CHST9: variants seen among roughly 807,000 people sequenced by gnomAD.
The protein encoded by CHST9 is GalNAc-4-sulfotransferase 2.
Under a neutral mutation model 44.4 loss-of-function variants are expected in CHST9, and 41 were observed. The observed-to-expected ratio is 0.92, with a 90% confidence interval of 0.72 to 1.20. CHST9 has a LOEUF of 1.20. Among genes scored for constraint, CHST9 ranks in the 50% most tolerant of loss-of-function variants. The pLI is 0.00. For missense variants in CHST9, 504 were observed against 516.5 expected (o/e 0.98, Z 0.23); for synonymous variants, 171 against 178.4 (o/e 0.96, Z 0.33).
At chr18:27,029,830 C>T (rs183451700) in intron 3 of CHST9, among the ~76,000 whole-genome samples, 57 of 152,186 alleles carry the variant, frequency 3.7e-4, no homozygotes, top group African/African-American at 1.3e-3. Context: ...ATGCAGAAAC[C>T]GACATACATG....
At chr18:27,133,608 C>T (rs2058490256) in intron 2 of CHST9, among the ~76,000 whole-genome samples, 1 of 152,146 alleles carries the variant, frequency 6.6e-6, no homozygotes, top group African/African-American at 2.4e-5. Flanking sequence ...CTCAGGAAGC[C>T]TCCATTTTAC....
chr18:26,931,722 G>A (rs1187502658), intron 5 of CHST9, among the ~76,000 whole-genome samples: 2 of 152,230 alleles, frequency 1.3e-5, no homozygotes, highest in Non-Finnish European at 2.9e-5. Flanking sequence ...TGGAGGGAGA[G>A]GCTGTGTGGT....
chr18:26,986,243 G>A lies in CHST9; in HGVS notation c.202+37873C>T, dbSNP rs2056753866. On this transcript the variant is annotated intron_variant, in intron 4 of 5. Coordinates refer to ENST00000618847, the MANE Select transcript of CHST9 (RefSeq NM_031422.6). ...CTGTATGGCCAAAAAGTTAAGTAAAGACATGGAAAATACAAAAAAGACCTA... is the reference window on the plus strand; with the variant it reads ...CTGTATGGCCAAAAAGTTAAGTAAAAACATGGAAAATACAAAAAAGACCTA... Among the ~76,000 whole-genome samples, 4 of 151,994 alleles carry A rather than the reference G, an allele frequency of 2.6e-5. No homozygotes were observed. In the South Asian group the frequency reaches 8.3e-4, roughly 31 times the overall value.
intron 2 of CHST9, among the ~76,000 whole-genome samples, chr18:27,105,826 A>T (rs78957651): frequency 3.0e-5 from 2 of 67,444 alleles, no homozygotes; most frequent in Non-Finnish European, 6.3e-5. Flanking sequence ...CTGTTTTTTT[A>T]AAATTTAAGG....
At chr18:27,064,619 A>C (rs2057761437) in intron 2 of CHST9, among the ~76,000 whole-genome samples, 1 of 152,254 alleles carries the variant, frequency 6.6e-6, no homozygotes, top group African/African-American at 2.4e-5. Flanking sequence ...ACAGAATTCC[A>C]TATGACAACA....
At chr18:26,991,222 C>T (rs944565866) in intron 4 of CHST9, among the ~76,000 whole-genome samples, 2 of 152,076 alleles carry the variant, frequency 1.3e-5, no homozygotes, top group Non-Finnish European at 2.9e-5. Context: ...GCAGTAGCAG[C>T]GACAATGGGG....
chr18:27,178,199 G>T (rs1598782809), intron 1 of CHST9, among the ~76,000 whole-genome samples: 1 of 151,918 alleles, frequency 6.6e-6, no homozygotes, highest in Non-Finnish European at 1.5e-5. Flanking sequence ...CGGAAAAGCT[G>T]CCTCTCTTGA....
At chr18:26,978,651 C>T (rs531448773) in intron 4 of CHST9, among the ~76,000 whole-genome samples, 1 of 152,342 alleles carries the variant, frequency 6.6e-6, no homozygotes, top group South Asian at 2.1e-4. Context: ...GCTTCTAACA[C>T]TTACCAGCCT....
At chr18:26,942,697 G>T (rs1311812595) in intron 5 of CHST9, among the ~76,000 whole-genome samples, 1 of 152,134 alleles carries the variant, frequency 6.6e-6, no homozygotes, top group Non-Finnish European at 1.5e-5. Context: ...TTTTTATAAG[G>T]AAAAGTATTC....
intron 2 of CHST9, among the ~76,000 whole-genome samples, chr18:27,100,097 G>C (rs1203424817): frequency 6.6e-6 from 1 of 151,954 alleles, no homozygotes; most frequent in Non-Finnish European, 1.5e-5. Flanking sequence ...ATGAAATCAT[G>C]TTCTTTACAG....
chr18:26,922,219 A>G (rs2055670016), intron 5 of CHST9, among the ~76,000 whole-genome samples: 1 of 152,052 alleles, frequency 6.6e-6, no homozygotes, highest in Non-Finnish European at 1.5e-5. Context: ...GGCTCTTGGC[A>G]GCCCCAACTC....
intron 4 of CHST9, among the ~76,000 whole-genome samples, chr18:26,983,152 C>T (rs1006010646): frequency 1.3e-5 from 2 of 152,156 alleles, no homozygotes; most frequent in Non-Finnish European, 2.9e-5. Flanking sequence ...GGGGAATCCT[C>T]TGTAGAGAGT....
At chr18:26,970,335 AAATGAATGCTTCC>A (rs1334146397) in intron 4 of CHST9, among the ~76,000 whole-genome samples, 3 of 152,222 alleles carry the variant, frequency 2.0e-5, no homozygotes, top group African/African-American at 7.2e-5. Flanking sequence ...TCTTCTTTCC[AAATGAATGCTTCC>A]TATCTGCCAG....
chr18:27,041,913 C>G (rs2057449966), intron 3 of CHST9, among the ~76,000 whole-genome samples: 1 of 152,116 alleles, frequency 6.6e-6, no homozygotes. Context: ...TAAGAGACTT[C>G]ATTTCATTCA....
chr18:27,140,512 TG>T lies in CHST9; in HGVS notation c.121+2176del, dbSNP rs1416161805. 8.5e-5 allele frequency among the ~76,000 whole-genome samples: 13 copies of T among 152,354 alleles called. No homozygotes were observed. In the East Asian group the frequency reaches 2.3e-3, roughly 27 times the overall value. On this transcript the variant is annotated intron_variant, in intron 2 of 5. Transcript: ENST00000618847. ...TCTGCAAAAAAGTAGTCTATACATA[TG>T]AATATATTTTCCCTTAAGTATTAAA... is the stretch of plus-strand genomic sequence containing the variant.
At chr18:27,079,831 C>T (rs1283738345) in intron 2 of CHST9, among the ~76,000 whole-genome samples, 2 of 152,184 alleles carry the variant, frequency 1.3e-5, no homozygotes, top group Non-Finnish European at 2.9e-5. Context: ...GCTCACAACC[C>T]TCTTAAAATT....
chr18:27,064,925 G>A (rs1245877773), intron 2 of CHST9, among the ~76,000 whole-genome samples: 1 of 152,152 alleles, frequency 6.6e-6, no homozygotes, highest in African/African-American at 2.4e-5. Context: ...CTCTTTAGCA[G>A]GGCACACAGG....
chr18:26,996,206 CTT>C (rs2056886293), intron 4 of CHST9, among the ~76,000 whole-genome samples: 1 of 152,208 alleles, frequency 6.6e-6, no homozygotes, highest in Non-Finnish European at 1.5e-5. Context: ...CACTCTCATT[CTT>C]TGTACTTCTG....
At chr18:26,957,242 T>C (rs1418772116) in intron 4 of CHST9, among the ~76,000 whole-genome samples, 1 of 152,180 alleles carries the variant, frequency 6.6e-6, no homozygotes, top group Admixed American at 6.5e-5. Context: ...AGAGGCTAAG[T>C]GAATTACGGA....
Sources: allele counts gnomAD v4.1 joint callset (sites outside exome capture counted in the v4.1 genomes callset), GRCh38; gene constraint gnomAD v4.1.1; transcripts MANE v1.5; gene names NCBI Gene and HGNC (gene_info 2026-07-23, HGNC 2026-07-21).